Variants in NBAS observed in about 807,000 individuals in gnomAD.
NBAS encodes NBAS subunit of NRZ tethering complex, also known as NAG/BC035112 fusion.
Under a neutral mutation model 302.5 loss-of-function variants are expected in NBAS, and 219 were observed. The observed-to-expected ratio is 0.72, with a 90% CI of 0.65 to 0.81. The LOEUF is 0.81. Ranked by LOEUF, NBAS falls within the 30% of genes least tolerant of loss-of-function variation. The pLI, the probability that NBAS is intolerant of heterozygous loss-of-function variation, is 0.00. For synonymous variants in NBAS, 1,118 were observed against 1,021.6 expected (o/e 1.09, Z -1.80); for missense variants, 2,932 against 2,841.6 (o/e 1.03, Z -0.72).
At chr2:15,182,328 G>T (rs1664866263) in intron 50 of NBAS, among the ~76,000 whole-genome samples, 1 of 152,240 alleles carries the variant, frequency 6.6e-6, no homozygotes, top group African/African-American at 2.4e-5. Flanking sequence ...AATCCTTTGA[G>T]AAAGGTGTGA....
In NBAS at chr2:15,292,679, T is replaced by A. The variant is rs373419443; in HGVS notation, c.4885A>T (p.Thr1629Ser). The A allele has an allele frequency of 1.9e-6, 3 of 1,614,154 alleles. No individual in the cohort carries two copies. Among genetic ancestry groups the A allele is most frequent in the Non-Finnish European group, 2.5e-6 (3 of 1,180,018 alleles). The part of the protein sequence containing the change: ...EAWPEDLISL[T>S]KQLHCYNERL... ...TCATTGTAGCAGTGTAACTGCTTGG[T>A]CAGTGAAATAAGGTCTTCAGGCCAG... The change falls in exon 41 of 52, where the codon ACC becomes TCC. Residue 1629 changes from threonine to serine, a missense_variant. Thr to Ser is a moderately conservative substitution (Grantham distance 58). Transcript: ENST00000281513.
chr2:15,296,596 C>T (rs570507760), intron 40 of NBAS, among the ~76,000 whole-genome samples: 170 of 151,866 alleles, frequency 1.1e-3, no homozygotes, highest in African/African-American at 3.2e-3. Context: ...GGATGTTCTA[C>T]GAGGCTGGAG....
At chr2:15,255,856 C>A (rs185952625) in intron 44 of NBAS, among the ~76,000 whole-genome samples, 1 of 152,202 alleles carries the variant, frequency 6.6e-6, no homozygotes, top group East Asian at 1.9e-4. Flanking sequence ...GATCAGTTGG[C>A]TGTAAGTATT....
At chr2:15,324,140 A>G (rs1671956873) in intron 38 of NBAS, among the ~76,000 whole-genome samples, 1 of 152,224 alleles carries the variant, frequency 6.6e-6, no homozygotes, top group South Asian at 2.1e-4. Flanking sequence ...GGAGAGCAAC[A>G]GCCCAGGACA....
chr2:14,816,496 T>G, the NBAS span, among the ~76,000 whole-genome samples: 11 of 152,198 alleles, frequency 7.2e-5, no homozygotes, highest in Admixed American at 4.6e-4. Flanking sequence ...ACTGCTGGCT[T>G]AGAAGTTTTC....
intron 35 of NBAS, among the ~76,000 whole-genome samples, chr2:15,347,114 G>A (rs1048086526): frequency 6.6e-6 from 1 of 152,008 alleles, no homozygotes; most frequent in Non-Finnish European, 1.5e-5. Flanking sequence ...ATGTATCCCA[G>A]GACTTAAAGT....
chr2:14,884,699 A>G, the NBAS span, among the ~76,000 whole-genome samples: 166 of 152,336 alleles, frequency 1.1e-3, no homozygotes, highest in Non-Finnish European at 1.7e-3. Context: ...TGACATTCCA[A>G]TGAGAGGAGG....
chr2:14,967,521 A>G, the NBAS span, among the ~76,000 whole-genome samples: 1 of 152,234 alleles, frequency 6.6e-6, no homozygotes, highest in Non-Finnish European at 1.5e-5. Context: ...CAAAGGTACA[A>G]GAGCACCTCA....
At chr2:15,100,453 G>A in the NBAS span, among the ~76,000 whole-genome samples, 1 of 152,126 alleles carries the variant, frequency 6.6e-6, no homozygotes, top group Non-Finnish European at 1.5e-5. Context: ...CCATTAATGT[G>A]ATTATATATA....
At chr2:14,934,190 T>C in the NBAS span, among the ~76,000 whole-genome samples, 1 of 152,162 alleles carries the variant, frequency 6.6e-6, no homozygotes, top group Non-Finnish European at 1.5e-5. Context: ...CCCCATTTTC[T>C]CAACACCCAG....
At chr2:15,365,764 C>T (rs1181491469) in intron 32 of NBAS, among the ~76,000 whole-genome samples, 1 of 152,074 alleles carries the variant, frequency 6.6e-6, no homozygotes, top group African/African-American at 2.4e-5. Context: ...AATATTTAGT[C>T]CATTAAATAT....
the NBAS span, among the ~76,000 whole-genome samples, chr2:14,909,366 T>TAAAAAAAAAAAAAAAAAAAAAAAAAAAA: frequency 1.4e-4 from 11 of 78,574 alleles, no homozygotes; most frequent in African/African-American, 4.4e-4. Flanking sequence ...GGAGAGTTTC[T>TAAAAAAAAAAAAAAAAAAAAAAAAAAAA]AAAAAAAAAA....
At chr2:14,840,638 A>G in the NBAS span, among the ~76,000 whole-genome samples, 2 of 152,106 alleles carry the variant, frequency 1.3e-5, no homozygotes, top group African/African-American at 2.4e-5. Flanking sequence ...TCAAAGTGCC[A>G]AAAGAAAAAA....
At chr2:15,454,215 T>G (rs1375369012) in intron 21 of NBAS, among the ~76,000 whole-genome samples, 1 of 152,204 alleles carries the variant, frequency 6.6e-6, no homozygotes, top group Non-Finnish European at 1.5e-5. Flanking sequence ...TCTTACTGAT[T>G]CTGGAGATAA....
the NBAS span, among the ~76,000 whole-genome samples, chr2:15,148,220 C>T: frequency 1.3e-5 from 2 of 152,160 alleles, no homozygotes; most frequent in Non-Finnish European, 2.9e-5. Context: ...TTAGTAAACT[C>T]TTATTGCACA....
chr2:15,461,689 G>C lies in NBAS; in HGVS notation c.2200C>G (p.Gln734Glu). 6.4e-7 allele frequency: 1 copy of C among 1,555,856 alleles called. No homozygotes were observed. The highest frequency in any genetic ancestry group is 8.9e-7 in the Non-Finnish European group (1 of 1,129,212). ...NIVLSARTYA[Q>E]ESNVQALEIL... ...TTTATTTACAAAAAGCAAATTACCTGAGCATAAGTTCTTGCTGAGAGAACA... is the reference window on the plus strand; with the variant it reads ...TTTATTTACAAAAAGCAAATTACCTCAGCATAAGTTCTTGCTGAGAGAACA... Residue 734 changes from glutamine to glutamate, a missense_variant and splice_region_variant, in exon 20 of 52, where the codon CAG (glutamine) becomes GAG (glutamate). Coordinates refer to ENST00000281513, the MANE Select transcript of NBAS (RefSeq NM_015909.4).
the NBAS span, among the ~76,000 whole-genome samples, chr2:14,949,440 A>G: frequency 2.6e-5 from 4 of 152,188 alleles, no homozygotes; most frequent in African/African-American, 9.6e-5. Context: ...CTCAATAGAT[A>G]TTTCTCAAAA....
chr2:15,049,734 C>T, the NBAS span, among the ~76,000 whole-genome samples: 2 of 152,190 alleles, frequency 1.3e-5, no homozygotes, highest in African/African-American at 2.4e-5. Flanking sequence ...GAGACAAGTG[C>T]CCACTGTGTC....
chr2:15,277,173 GGAA>G, intron 42 of NBAS, 72 bp from the exon 43 acceptor site: 1 of 1,556,848 alleles, frequency 6.4e-7, no homozygotes, highest in Non-Finnish European at 8.7e-7. Flanking sequence ...TTTTAACCAA[GGAA>G]GAAACACTAC....
Sources: allele counts gnomAD v4.1 joint callset (sites outside exome capture counted in the v4.1 genomes callset), GRCh38; gene constraint gnomAD v4.1.1; transcripts MANE v1.5; gene names NCBI Gene and HGNC (gene_info 2026-07-23, HGNC 2026-07-21).